ZEB1: variants seen among roughly 807,000 people sequenced by gnomAD.
ZEB1 encodes the protein zinc finger E-box-binding homeobox 1.
ZEB1 carries 21 observed loss-of-function variants against 84.9 expected under a neutral mutation model. The ratio of observed to expected loss-of-function variants is 0.25; its 90% CI spans 0.18 to 0.36. The LOEUF (loss-of-function observed/expected upper bound fraction) is 0.36. Ranked by LOEUF, ZEB1 falls within the 10% of genes least tolerant of loss-of-function variation. The probability of loss-of-function intolerance (pLI) is 1.00; values close to 1 mark genes in which losing one functional copy is unlikely to be tolerated. For synonymous variants in ZEB1, 420 were observed against 471.1 expected, an observed-to-expected ratio of 0.89 and a Z score of 1.41; for missense variants, 1,104 against 1,330.2, an observed-to-expected ratio of 0.83 and a Z score of 2.65.
intron 1 of ZEB1, among the ~76,000 whole-genome samples, chr10:31,383,960 T>A (rs1032145188): frequency 6.8e-6 from 1 of 147,030 alleles, no homozygotes; most frequent in Non-Finnish European, 1.5e-5. Context: ...TAACTTAGAT[T>A]AGTGCTTTTT....
intron 1 of ZEB1, chr10:31,362,753 C>T (rs1013536487): frequency 1.7e-6 from 1 of 603,284 alleles, no homozygotes; most frequent in African/African-American, 1.8e-5. Flanking sequence ...AGGTCTCAAT[C>T]TCTTGATCTC....
intron 1 of ZEB1, chr10:31,363,285 A>G: frequency 6.5e-7 from 1 of 1,533,082 alleles, no homozygotes; most frequent in South Asian, 1.2e-5. Context: ...GAAGTGGGTC[A>G]GGCTTCCCAA....
chr10:31,333,017 A>G lies in ZEB1; in HGVS notation c.58+13725A>G, dbSNP rs144186139. On this transcript the variant is annotated intron_variant, in intron 1 of 8. Transcript: ENST00000424869. ...TGAAACTGAATGGTTATAAAATGCT[A>G]TATAATTTTATCAAGTTAAGCTGAC... 2.1e-3 allele frequency among the ~76,000 whole-genome samples: 315 copies of G among 152,314 alleles called. 1 individual carries two copies. The highest frequency in any genetic ancestry group is 7.2e-3 in the African/African-American group (301 of 41,572).
intron 1 of ZEB1, among the ~76,000 whole-genome samples, chr10:31,405,628 C>G (rs983584464): frequency 4.0e-5 from 6 of 151,840 alleles, no homozygotes; most frequent in African/African-American, 1.4e-4. Flanking sequence ...TTACACAGTC[C>G]TGTCAGTTTA....
At position 31,520,228 on chromosome 10, in the gene ZEB1, T is replaced by A. The variant is rs774395615; in HGVS notation, c.896T>A (p.Val299Glu). 30 of 1,613,874 alleles carry A rather than the reference T, an allele frequency of 1.9e-5. No homozygotes were observed. The highest frequency in any genetic ancestry group is 1.6e-4 in the Middle Eastern group (1 of 6,084). Residue 299 changes from valine (V) to glutamate (E), a missense_variant, in exon 7 of 9, where the codon GTG becomes GAG. Physicochemically the swap from Val to Glu is moderately radical, Grantham distance 121. This residue lies in a region of ZEB1 where 111 missense variants were observed against 161.8 expected (regional missense o/e 0.69). Transcript: ENST00000424869. The surrounding 1 kb of genome is among the most constrained non-coding windows in gnomAD (Gnocchi z 5.1). ...AAGAAATGTATCAGCTTGATACCTG[T>A]GAATGGGCGACCAAGAACAGGACTC... ...SSKKCISLIP[V>E]NGRPRTGLKT...
At chr10:31,395,371 G>A (rs932187857) in intron 1 of ZEB1, among the ~76,000 whole-genome samples, 2 of 152,092 alleles carry the variant, frequency 1.3e-5, no homozygotes, top group Non-Finnish European at 2.9e-5. Context: ...CTTTATGCAA[G>A]AAGAGTAGCA....
rs932738732 is a variant in ZEB1, at chr10:31,521,896, A to G, written c.2564A>G (p.Gln855Arg). The change falls in exon 7 of 9, where the codon CAA becomes CGA. Residue 855 changes from glutamine (Q) to arginine (R), a missense_variant. By Grantham distance (43) the Gln-to-Arg change is conservative. This residue lies in a region of ZEB1 where 531 missense variants were observed against 575.2 expected (regional missense o/e 0.92). Coordinates refer to ENST00000424869, the MANE Select transcript of ZEB1 (RefSeq NM_001174096.2). ...TYSTTVSPAV[Q>R]EPPLKVIQPN... The stretch of plus-strand genomic sequence containing the variant: ...TCAACTACGGTCAGCCCTGCAGTCC[A>G]AGAACCACCCTTGAAAGTGATCCAG... The G allele has an allele frequency of 6.2e-7, 1 of 1,614,116 alleles. No homozygotes were observed. Among genetic ancestry groups the G allele is most frequent in the Non-Finnish European group, 8.5e-7 (1 of 1,179,996 alleles).
At chr10:31,406,621 ATCT>A (rs1404296216) in intron 1 of ZEB1, among the ~76,000 whole-genome samples, 2 of 152,130 alleles carry the variant, frequency 1.3e-5, no homozygotes, top group East Asian at 1.9e-4. Context: ...GGTTGCAAAA[ATCT>A]TCTCCCATTC....
At chr10:31,328,425 T>C (rs2036055533) in intron 1 of ZEB1, among the ~76,000 whole-genome samples, 1 of 152,204 alleles carries the variant, frequency 6.6e-6, no homozygotes, top group Non-Finnish European at 1.5e-5. Context: ...GTTTTAAGTT[T>C]TCAACACATG....
chr10:31,356,467 A>G (rs1410210252), intron 1 of ZEB1, among the ~76,000 whole-genome samples: 3 of 152,136 alleles, frequency 2.0e-5, no homozygotes, highest in African/African-American at 4.8e-5. Flanking sequence ...TGAAACTTAC[A>G]TGAAGAATTT....
chr10:31,495,914 G>A, intron 3 of ZEB1, 76 bp downstream of exon 3: 2 of 1,497,542 alleles, frequency 1.3e-6, no homozygotes, highest in South Asian at 2.3e-5. Context: ...GCATTTGTGA[G>A]TCCTGAATTT....
chr10:31,321,566 A>G lies in ZEB1; in HGVS notation c.58+2274A>G, dbSNP rs754461571. 1.9e-6 allele frequency: 3 copies of G among 1,613,776 alleles called. No homozygotes were observed. The African/African-American group carries it at 4.0e-5, about 22-fold the overall frequency. Reference sequence around the variant, plus strand: ...GTTCGGAAAGAGCTGTTCGCTTTTTACCTTATTTAAAATGTTGATCGCCAG... The same window carrying G: ...GTTCGGAAAGAGCTGTTCGCTTTTTGCCTTATTTAAAATGTTGATCGCCAG... On this transcript the variant is annotated intron_variant, in intron 1 of 8. Transcript: ENST00000424869.
At position 31,488,677 on chromosome 10, in the gene ZEB1, C is replaced by T. The variant is rs142798048; in HGVS notation, c.260-7099C>T. Among the ~76,000 whole-genome samples, 1,384 of 150,938 alleles carry T rather than the reference C, an allele frequency of 9.2e-3. 13 individuals carry two copies. The highest frequency in any genetic ancestry group is 0.031 in the African/African-American group (1,289 of 41,348). On this transcript the variant is annotated intron_variant, in intron 2 of 8. Transcript: ENST00000424869. ...ACAAGCATTTAATGCTATAAATTCC[C>T]CTCTATACAGTGTTTTAGGGACACT...
chr10:31,441,591 A>G (rs1051786261), intron 1 of ZEB1, among the ~76,000 whole-genome samples: 6 of 152,228 alleles, frequency 3.9e-5, no homozygotes, highest in Non-Finnish European at 7.3e-5. Flanking sequence ...TCTGCACAGC[A>G]AAAGAAACTA....
intron 1 of ZEB1, among the ~76,000 whole-genome samples, chr10:31,423,990 A>T (rs1379240011): frequency 1.3e-5 from 2 of 152,010 alleles, no homozygotes; most frequent in East Asian, 3.8e-4. Context: ...CTTCATACAA[A>T]GCCAAATATT....
At chr10:31,451,128 A>G (rs776858033) in intron 1 of ZEB1, among the ~76,000 whole-genome samples, 8 of 152,144 alleles carry the variant, frequency 5.3e-5, no homozygotes, top group Non-Finnish European at 5.9e-5. Context: ...GTGTCTGTCT[A>G]TGTCTCTTAA....
chr10:31,464,321 C>G (rs1485800148), intron 2 of ZEB1, among the ~76,000 whole-genome samples: 1 of 151,758 alleles, frequency 6.6e-6, no homozygotes, highest in Non-Finnish European at 1.5e-5. Context: ...CCACTGCACT[C>G]CAGCCTGGGC....
intron 1 of ZEB1, among the ~76,000 whole-genome samples, chr10:31,420,849 A>G (rs2056036782): frequency 6.6e-6 from 1 of 152,074 alleles, no homozygotes; most frequent in Non-Finnish European, 1.5e-5. Context: ...GTCTCATTAT[A>G]TCTTTGATGA....
intron 1 of ZEB1, among the ~76,000 whole-genome samples, chr10:31,339,358 A>T (rs7900975): frequency 0.25 from 37,967 of 152,156 alleles, 10,470 homozygotes; most frequent in African/African-American, 0.69. Context: ...CTTTTAGAGA[A>T]TCTTCTGAGA....
Sources: allele counts gnomAD v4.1 joint callset (sites outside exome capture counted in the v4.1 genomes callset), GRCh38; gene constraint gnomAD v4.1.1; regional missense constraint gnomAD v4.1.1; non-coding constraint Gnocchi (gnomAD v3.1); transcripts MANE v1.5; gene names NCBI Gene and HGNC (gene_info 2026-07-23, HGNC 2026-07-21).